Variants in MDGA1 observed in about 807,000 individuals in gnomAD.
MDGA1 encodes MAM domain containing glycosylphosphatidylinositol anchor 1, also known as MAM domain-containing glycosylphosphatidylinositol anchor protein 1.
A neutral mutation model predicts 101.5 loss-of-function variants in MDGA1; 54 were observed. The observed-to-expected ratio is 0.53, with a 90% confidence interval of 0.43 to 0.67. The LOEUF (loss-of-function observed/expected upper bound fraction) is 0.67. Ranked by LOEUF, MDGA1 falls within the 30% of genes least tolerant of loss-of-function variation. MDGA1 has a pLI of 0.00. For synonymous variants in MDGA1, 533 were observed against 558.3 expected (o/e 0.95, Z 0.64); for missense variants, 1,083 against 1,323.8 (o/e 0.82, Z 2.82).
intron 12 of MDGA1, among the ~76,000 whole-genome samples, chr6:37,645,128 C>T (rs1038858448): frequency 7.2e-5 from 11 of 152,166 alleles, no homozygotes; most frequent in Non-Finnish European, 4.4e-5. Context: ...GGTGAGAACA[C>T]AGGATTTCTA....
intron 1 of MDGA1, among the ~76,000 whole-genome samples, chr6:37,672,373 G>A (rs545103788): frequency 1.3e-5 from 2 of 152,044 alleles, no homozygotes; most frequent in Admixed American, 1.3e-4. Flanking sequence ...TCAGGAGATC[G>A]AGGCTGCAGT....
In MDGA1 at chr6:37,655,846, C is replaced by T; in HGVS notation, c.433G>A (p.Gly145Ser). The change falls in exon 4 of 17, where the codon GGC (glycine) becomes AGC (serine). Residue 145 changes from glycine (G) to serine (S), a missense_variant. Gly to Ser is a moderately conservative substitution (Grantham distance 56, BLOSUM62 0). Coordinates refer to ENST00000434837, the MANE Select transcript of MDGA1 (RefSeq NM_153487.4). This position sits in a 1 kb window ranked among gnomAD's most constrained non-coding sequence, Gnocchi z 5.1. Reference protein sequence around the residue: ...TVHQTVSDVRGNFYQEKTVFL... With the variant: ...TVHQTVSDVRSNFYQEKTVFL... ...ACCGTCTTCTCCTGGTAGAAGTTGC[C>T]TCGCACATCGCTCACCGTCTGGTGC... 1 of 1,613,702 alleles carries T rather than the reference C, an allele frequency of 6.2e-7. No homozygotes were observed. The highest frequency in any genetic ancestry group is 8.5e-7 in the Non-Finnish European group (1 of 1,179,784).
chr6:37,665,598 C>A (rs930516132), intron 1 of MDGA1, among the ~76,000 whole-genome samples: 2 of 152,224 alleles, frequency 1.3e-5, no homozygotes, highest in Admixed American at 6.5e-5. Flanking sequence ...CTGCCAGACA[C>A]CGACTAACTG....
At chr6:37,682,410 A>G (rs1272796183) in intron 1 of MDGA1, among the ~76,000 whole-genome samples, 1 of 152,136 alleles carries the variant, frequency 6.6e-6, no homozygotes, top group Non-Finnish European at 1.5e-5. Flanking sequence ...CTTGAACCCA[A>G]GAGGTAGAGA....
chr6:37,680,677 C>T (rs1235087561), intron 1 of MDGA1, among the ~76,000 whole-genome samples: 1 of 152,218 alleles, frequency 6.6e-6, no homozygotes, highest in African/African-American at 2.4e-5. Context: ...ATCGGAAGGC[C>T]GTGCTGGGGC....
chr6:37,654,820 A>G lies in MDGA1; in HGVS notation c.692T>C (p.Phe231Ser), dbSNP rs879826186. The G allele has an allele frequency of 1.7e-5, 28 of 1,613,722 alleles. No homozygotes were observed. Among genetic ancestry groups the G allele is most frequent in the Non-Finnish European group, 2.4e-5 (28 of 1,179,788 alleles). ...TGTACCCGTGGTGTTGGTGAGCCGG[A>G]AGGTGATGGCCTTGTCTGGGATGCC... ...VCGIPDKAIT[F>S]RLTNTTAPPA... Residue 231 changes from phenylalanine (F) to serine (S), a missense_variant, in exon 5 of 17, where the codon TTC becomes TCC. Phe to Ser is a radical substitution (Grantham distance 155). Coordinates refer to ENST00000434837, the MANE Select transcript of MDGA1 (RefSeq NM_153487.4).
intron 1 of MDGA1, among the ~76,000 whole-genome samples, chr6:37,664,872 C>CACACACAA (rs1483054147): frequency 1.4e-5 from 2 of 138,202 alleles, no homozygotes; most frequent in East Asian, 4.1e-4. Context: ...CACACACACA[C>CACACACAA]ACACACACAC....
At chr6:37,653,324 C>T (rs1026763675) in intron 6 of MDGA1, among the ~76,000 whole-genome samples, 2 of 152,176 alleles carry the variant, frequency 1.3e-5, no homozygotes, top group Non-Finnish European at 2.9e-5. Flanking sequence ...CAGTTTTAAA[C>T]CTTCTTTCTT....
rs575662693 is a variant in MDGA1, at chr6:37,657,935, C to T, written c.382+310G>A. Among the ~76,000 whole-genome samples the T allele has an allele frequency of 2.6e-5, 4 of 152,340 alleles. No individual in the cohort carries two copies. In the South Asian group the frequency reaches 8.3e-4, roughly 32 times the overall value. ...TGTCTTCCTCTCAGCTCTGAGGCTA[C>T]CCCGCTCCATGCCTGTGGGCAAATC... On this transcript the variant is annotated intron_variant, in intron 3 of 16. Coordinates refer to ENST00000434837, the MANE Select transcript of MDGA1 (RefSeq NM_153487.4).
Position 37,655,315 on chromosome 6 carries a change from A to G in MDGA1, c.580-383T>C, listed in dbSNP as rs1333534522. 6.0e-6 allele frequency: 2 copies of G among 333,954 alleles called. No homozygotes were observed. The highest frequency in any genetic ancestry group is 5.5e-6 in the Non-Finnish European group (1 of 182,250). 20.7% of individuals were successfully genotyped at this position (333,954 alleles called of 1,614,324 possible). On this transcript the variant is annotated intron_variant, in intron 4 of 16. Transcript: ENST00000434837. This position sits in a 1 kb window ranked among gnomAD's most constrained non-coding sequence, Gnocchi z 5.1. ...TCCTTGGCAGAATGGCATCACCACC[A>G]TCTCCTGGGACTATCAGGGCCCATG...
At chr6:37,656,822 G>A (rs1761499741) in intron 3 of MDGA1, among the ~76,000 whole-genome samples, 1 of 152,206 alleles carries the variant, frequency 6.6e-6, no homozygotes, top group South Asian at 2.1e-4. Flanking sequence ...AATTTGTAGT[G>A]TGACCCACCT....
chr6:37,655,059 CCACCCT>C lies in MDGA1; in HGVS notation c.580-133_580-128del. The C allele has an allele frequency of 8.5e-7, 1 of 1,176,894 alleles. No individual in the cohort carries two copies. The highest frequency in any genetic ancestry group is 1.2e-6 in the Non-Finnish European group (1 of 847,700). 72.9% of individuals were successfully genotyped at this position (1,176,894 alleles called of 1,614,324 possible). On this transcript the variant is annotated intron_variant, in intron 4 of 16. Transcript: ENST00000434837. The surrounding 1 kb of genome is among the most constrained non-coding windows in gnomAD (Gnocchi z 5.1). Reference sequence around the variant, plus strand: ...AATTCCTCTCTTTCCATCCCCAACCCCACCCTCACCATTTAGCCCCAGGGGTCCTGA... The same window carrying C: ...AATTCCTCTCTTTCCATCCCCAACCCCACCATTTAGCCCCAGGGGTCCTGA...
At chr6:37,658,130 G>A (rs1316751621) in intron 3 of MDGA1, 115 bp downstream of exon 3, 4 of 1,225,952 alleles carry the variant, frequency 3.3e-6, no homozygotes, top group Admixed American at 2.9e-5. Context: ...CCTCCACCAA[G>A]GTCAGCTTCT....
In MDGA1 at chr6:37,697,090, A is replaced by G; in HGVS notation, c.-279T>C. The G allele has an allele frequency of 6.2e-6, 2 of 321,540 alleles. No homozygotes were observed. 19.9% of individuals were successfully genotyped at this position (321,540 alleles called of 1,614,324 possible). A position where few individuals can be genotyped will look rare whatever the true frequency, so the allele number is the denominator to read the frequency against. ...CAGCAGCCAGCGCCCCGACCCGAGG[A>G]GCCCGGCCGCCGAGCCGCCCCGGGT... On this transcript the variant is annotated 5_prime_UTR_variant, in exon 1 of 17. Transcript: ENST00000434837.
chr6:37,649,359 C>A, intron 8 of MDGA1, 93 bp from the exon 9 acceptor site: 1 of 1,391,746 alleles, frequency 7.2e-7, no homozygotes. Context: ...GCCTCTAATG[C>A]CGTGAGCCCC....
chr6:37,687,593 C>T (rs559190155), intron 1 of MDGA1, among the ~76,000 whole-genome samples: 18 of 152,010 alleles, frequency 1.2e-4, no homozygotes, highest in African/African-American at 4.1e-4. Context: ...GCTGGTTTTA[C>T]ATTGAATTGC....
intron 12 of MDGA1, among the ~76,000 whole-genome samples, chr6:37,645,127 AC>A (rs1761161362): frequency 1.3e-5 from 2 of 152,380 alleles, no homozygotes; most frequent in South Asian, 4.1e-4. Context: ...AGGTGAGAAC[AC>A]AGGATTTCTA....
intron 2 of MDGA1, among the ~76,000 whole-genome samples, chr6:37,661,962 A>G (rs1261595560): frequency 1.3e-5 from 2 of 150,594 alleles, no homozygotes; most frequent in Non-Finnish European, 3.0e-5. Flanking sequence ...CAAGACCAGC[A>G]TAGGCAACAT....
rs1761379494 is a variant in MDGA1 at position 37,652,028 on chromosome 6, T to C, written c.1295A>G (p.Asn432Ser). The change falls in exon 7 of 17, where the codon AAC (asparagine) becomes AGC (serine). Residue 432 changes from asparagine to serine, a missense_variant. Transcript: ENST00000434837. The surrounding 1 kb of genome is among the most constrained non-coding windows in gnomAD (Gnocchi z 4.3). ...APVPDLSVEV[N>S]ISSETVPPTI... ...CTGCCCACCTGTCTCAGAGGAGATG[T>C]TGACCTCGACGCTGAGGTCGGGCAC... The C allele has an allele frequency of 6.3e-7, 1 of 1,599,036 alleles. No individual in the cohort carries two copies. Among genetic ancestry groups the C allele is most frequent in the African/African-American group, 1.3e-5 (1 of 74,756 alleles).
Sources: gnomAD v4.1 joint callset for allele counts (sites outside exome capture counted in the v4.1 genomes callset) on GRCh38, gnomAD v4.1.1 for gene constraint, Gnocchi (gnomAD v3.1) non-coding constraint, MANE v1.5 for transcripts, NCBI Gene and HGNC (gene_info 2026-07-23, HGNC 2026-07-21) for gene names.